Variants in VEGFC observed in about 807,000 individuals in gnomAD.
The protein encoded by VEGFC is vascular endothelial growth factor C.
A neutral mutation model predicts 46.1 loss-of-function variants in VEGFC; 12 were observed. The ratio of observed to expected loss-of-function variants is 0.26; its 90% confidence interval spans 0.17 to 0.42. VEGFC has a LOEUF of 0.42. Among genes scored for constraint, VEGFC ranks in the 10% least tolerant of loss-of-function variants. VEGFC has a pLI of 1.00. For missense variants in VEGFC, 488 were observed against 529.4 expected (o/e 0.92, Z 0.77); for synonymous variants, 232 against 195.5 (o/e 1.19, Z -1.56).
At chr4:176,703,657 G>A (rs1378965166) in intron 4 of VEGFC, among the ~76,000 whole-genome samples, 1 of 152,088 alleles carries the variant, frequency 6.6e-6, no homozygotes, top group Non-Finnish European at 1.5e-5. Flanking sequence ...AATGATAAAT[G>A]TTTGAGGTGA....
Position 176,683,961 on chromosome 4 carries a change from C to T in VEGFC, c.1225G>A (p.Val409Ile). 6.2e-7 allele frequency: 1 copy of T among 1,614,160 alleles called. No individual in the cohort carries two copies. Among genetic ancestry groups the T allele is most frequent in the Non-Finnish European group, 8.5e-7 (1 of 1,180,004 alleles). Residue 409 changes from valine (V) to isoleucine (I), a missense_variant, in exon 7 of 7, where the codon GTC becomes ATC. By Grantham distance (29) the Val-to-Ile change is conservative. Coordinates refer to ENST00000618562, the MANE Select transcript of VEGFC (RefSeq NM_005429.5). ...TGTGGTCTTTTCCAATATGAAGGGA[C>T]ACAACGACACACTTCTTCACTATAT... is the stretch of plus-strand genomic sequence containing the variant. Reference protein sequence around the residue: ...FSYSEEVCRCVPSYWKRPQMS With the variant: ...FSYSEEVCRCIPSYWKRPQMS
intron 1 of VEGFC, among the ~76,000 whole-genome samples, chr4:176,738,457 C>G (rs1215479311): frequency 1.3e-5 from 2 of 151,884 alleles, no homozygotes; most frequent in Non-Finnish European, 2.9e-5. Context: ...AGAGAAAGGA[C>G]TCCCTATTTA....
chr4:176,695,595 T>C (rs1372582681), intron 4 of VEGFC, among the ~76,000 whole-genome samples: 6 of 151,644 alleles, frequency 4.0e-5, no homozygotes, highest in Non-Finnish European at 5.9e-5. Context: ...TTCCAATCAA[T>C]AGAAAAAGAG....
intron 1 of VEGFC, among the ~76,000 whole-genome samples, chr4:176,756,777 G>T (rs1217182888): frequency 6.6e-6 from 1 of 152,038 alleles, no homozygotes; most frequent in East Asian, 1.9e-4. Flanking sequence ...TTTTAAGGGT[G>T]TAAAGCAAGA....
intron 1 of VEGFC, among the ~76,000 whole-genome samples, chr4:176,790,374 A>T (rs781409128): frequency 2.6e-5 from 4 of 152,250 alleles, no homozygotes; most frequent in Non-Finnish European, 5.9e-5. Context: ...GAAAAGCGAC[A>T]TTTGCAAACA....
At chr4:176,692,544 T>C (rs1161490404) in intron 4 of VEGFC, among the ~76,000 whole-genome samples, 1 of 132,772 alleles carries the variant, frequency 7.5e-6, no homozygotes, top group Non-Finnish European at 1.5e-5. Flanking sequence ...GCAATGAGGC[T>C]GGGGGAGGGA....
intron 1 of VEGFC, among the ~76,000 whole-genome samples, chr4:176,748,104 C>A (rs552842260): frequency 6.6e-6 from 1 of 152,148 alleles, no homozygotes; most frequent in Non-Finnish European, 1.5e-5. Context: ...GCCAAGACTG[C>A]AGCAAACTGG....
chr4:176,754,592 C>T (rs1039293933), intron 1 of VEGFC, among the ~76,000 whole-genome samples: 1 of 151,980 alleles, frequency 6.6e-6, no homozygotes, highest in Non-Finnish European at 1.5e-5. Flanking sequence ...CTCTCTCTTT[C>T]ACTTATAAAG....
At chr4:176,720,975 T>C (rs892476286) in intron 3 of VEGFC, among the ~76,000 whole-genome samples, 2 of 151,660 alleles carry the variant, frequency 1.3e-5, no homozygotes, top group Non-Finnish European at 2.9e-5. Flanking sequence ...GGAAGTCACA[T>C]TTATGTTTAG....
chr4:176,752,345 G>A (rs963023152), intron 1 of VEGFC, among the ~76,000 whole-genome samples: 5 of 152,030 alleles, frequency 3.3e-5, no homozygotes, highest in African/African-American at 1.2e-4. Context: ...GTCTTGAGAT[G>A]ACTTTTACAT....
Position 176,683,703 on chromosome 4 carries a change from A to G in VEGFC, c.*223T>C. The G allele has an allele frequency of 2.7e-6, 1 of 365,668 alleles. No individual in the cohort carries two copies. Among genetic ancestry groups the G allele is most frequent in the Non-Finnish European group, 4.9e-6 (1 of 204,786 alleles). 22.7% of individuals were successfully genotyped at this position (365,668 alleles called of 1,614,324 possible). ...TCTTTTAAAGAAATCACAAGAGGAA[A>G]ATCTTGGCTGTTTGGTCATTGGCAG... is the stretch of plus-strand genomic sequence containing the variant. On this transcript the variant is annotated 3_prime_UTR_variant, in exon 7 of 7. Coordinates refer to ENST00000618562, the MANE Select transcript of VEGFC (RefSeq NM_005429.5).
chr4:176,786,466 G>T (rs1736004062), intron 1 of VEGFC, among the ~76,000 whole-genome samples: 2 of 152,002 alleles, frequency 1.3e-5, no homozygotes, highest in South Asian at 4.1e-4. Flanking sequence ...TTTTAACATT[G>T]GGTCTCATAT....
chr4:176,729,525 A>AT lies in VEGFC; in HGVS notation c.361+7dup. 1 of 1,609,222 alleles carries AT rather than the reference A, an allele frequency of 6.2e-7. No homozygotes were observed. Among genetic ancestry groups the AT allele is most frequent in the Non-Finnish European group, 8.5e-7 (1 of 1,178,390 alleles). On this transcript the variant is annotated splice_region_variant and intron_variant, in intron 2 of 6. Transcript: ENST00000618562. ...AGGCTTACTATACATTTTATTTCCCATACTTACTTTTCAAGATCTCTGTAT... is the reference window on the plus strand; with the variant it reads ...AGGCTTACTATACATTTTATTTCCCATTACTTACTTTTCAAGATCTCTGTAT...
intron 4 of VEGFC, among the ~76,000 whole-genome samples, chr4:176,701,405 T>C (rs974762056): frequency 1.3e-5 from 2 of 152,222 alleles, no homozygotes; most frequent in East Asian, 3.9e-4. Context: ...ATCACTGCCA[T>C]AATTTCGGTG....
intron 4 of VEGFC, among the ~76,000 whole-genome samples, chr4:176,700,654 C>G (rs1734413910): frequency 6.6e-6 from 1 of 151,994 alleles, no homozygotes; most frequent in African/African-American, 2.4e-5. Flanking sequence ...ATTTTCTGCT[C>G]TACTATTTTT....
intron 4 of VEGFC, among the ~76,000 whole-genome samples, chr4:176,695,856 C>A (rs968700359): frequency 3.3e-5 from 5 of 151,994 alleles, no homozygotes; most frequent in Non-Finnish European, 4.4e-5. Flanking sequence ...TGTAATCCAG[C>A]ATATAAACAG....
chr4:176,706,149 G>A (rs867237423), intron 4 of VEGFC: 1 of 152,130 alleles, frequency 6.6e-6, no homozygotes, highest in Non-Finnish European at 1.5e-5. Context: ...TATAATATGT[G>A]TTGTTCTTAC....
chr4:176,758,706 T>C (rs1735476812), intron 1 of VEGFC, among the ~76,000 whole-genome samples: 1 of 152,142 alleles, frequency 6.6e-6, no homozygotes, highest in Non-Finnish European at 1.5e-5. Flanking sequence ...GTGTCCTGTA[T>C]GCAAAGTCTG....
intron 1 of VEGFC, among the ~76,000 whole-genome samples, chr4:176,756,962 A>T (rs1297140450): frequency 6.6e-6 from 1 of 152,050 alleles, no homozygotes; most frequent in Non-Finnish European, 1.5e-5. Flanking sequence ...AAAATGAAAA[A>T]TCAAGGATGT....
Sources: gnomAD v4.1 joint callset for allele counts (sites outside exome capture counted in the v4.1 genomes callset) on GRCh38, gnomAD v4.1.1 for gene constraint, MANE v1.5 for transcripts, NCBI Gene and HGNC (gene_info 2026-07-23, HGNC 2026-07-21) for gene names.